The following EPG5 variants were observed in gnomAD, a reference collection of about 807,000 sequenced individuals.
EPG5 encodes ectopic P granules protein 5 homolog.
A neutral mutation model predicts 302.7 loss-of-function variants in EPG5; 159 were observed. The observed-to-expected ratio is 0.53, with a 90% confidence interval of 0.46 to 0.60. EPG5 has a LOEUF of 0.60. Ranked by LOEUF, EPG5 falls within the 20% of genes least tolerant of loss-of-function variation. EPG5 has a pLI of 0.00. For missense variants in EPG5, 2,896 were observed against 3,092.4 expected (o/e 0.94, Z 1.51); for synonymous variants, 1,158 against 1,136.8 (o/e 1.02, Z -0.37).
At position 45,867,150 on chromosome 18, in the gene EPG5, A is replaced by C. The variant is rs1324811309; in HGVS notation, c.6412-143T>G. ...ATGATATCAAGTAAGTATCTACTCG[A>C]GTTAGGAGTACTAGTGAAAGCAATA... is the stretch of plus-strand genomic sequence containing the variant. On this transcript the variant is annotated intron_variant, in intron 37 of 43. Coordinates refer to ENST00000282041, the MANE Select transcript of EPG5 (RefSeq NM_020964.3). 19 of 647,322 alleles carry C rather than the reference A, an allele frequency of 2.9e-5. No homozygotes were observed. The Admixed American group carries it at 5.4e-4, about 18-fold the overall frequency. The allele number at this position is 647,322 out of a possible 1,614,324, so 40.1% of individuals were successfully genotyped here.
At chr18:45,939,258 C>T (rs528372391) in intron 10 of EPG5, among the ~76,000 whole-genome samples, 43 of 152,334 alleles carry the variant, frequency 2.8e-4, no homozygotes, top group African/African-American at 8.7e-4. Context: ...ACACCTACTG[C>T]GTCTCACTGC....
chr18:45,827,858 T>G, the EPG5 span, among the ~76,000 whole-genome samples: 1 of 152,210 alleles, frequency 6.6e-6, no homozygotes, highest in Non-Finnish European at 1.5e-5. Context: ...CACAAAGGAT[T>G]TAGAGGAAGC....
chr18:45,904,954 G>C (rs1182016556), intron 24 of EPG5, among the ~76,000 whole-genome samples: 3 of 152,136 alleles, frequency 2.0e-5, no homozygotes, highest in Non-Finnish European at 4.4e-5. Context: ...GATGAAACTA[G>C]ACACATGGCA....
chr18:45,910,340 T>TG (rs886092954), intron 23 of EPG5, among the ~76,000 whole-genome samples, 181 bp downstream of exon 23: 1 of 152,158 alleles, frequency 6.6e-6, no homozygotes, highest in African/African-American at 2.4e-5. Context: ...GTTGATTCAG[T>TG]TCTCTTGAGG....
intron 1 of EPG5, among the ~76,000 whole-genome samples, chr18:45,965,588 T>C (rs2051230174): frequency 6.6e-6 from 1 of 152,224 alleles, no homozygotes; most frequent in East Asian, 1.9e-4. Flanking sequence ...GATTACAGTA[T>C]CATGCTTAAA....
At chr18:45,940,678 T>A (rs931496696) in intron 9 of EPG5, among the ~76,000 whole-genome samples, 2 of 151,756 alleles carry the variant, frequency 1.3e-5, no homozygotes, top group East Asian at 3.8e-4. Flanking sequence ...TTTGGCAGCA[T>A]TTTCCCTATG....
At chr18:45,875,264 C>A (rs11082492) in intron 35 of EPG5, among the ~76,000 whole-genome samples, 23,352 of 152,074 alleles carry the variant, frequency 0.15, 2,269 homozygotes, top group East Asian at 0.31. Context: ...TAAAAACACA[C>A]AAGGAAACAT....
At chr18:45,843,467 C>T (rs1159944200), downstream of EPG5, 2 of 152,234 alleles carry the variant, frequency 1.3e-5, no homozygotes, top group Non-Finnish European at 2.9e-5. Context: ...GGCTTTTATC[C>T]AAAAGACAGG....
the EPG5 span, among the ~76,000 whole-genome samples, chr18:45,840,537 T>C: frequency 6.6e-5 from 10 of 152,292 alleles, 1 homozygote; most frequent in African/African-American, 7.2e-5. Flanking sequence ...AAAAACCACA[T>C]TGGGGACACT....
rs760003456 is a variant in EPG5 at position 45,876,311 on chromosome 18, T to C, written c.5974A>G (p.Ser1992Gly). 1 of 1,613,988 alleles carries C rather than the reference T, an allele frequency of 6.2e-7. No individual in the cohort carries two copies. Among genetic ancestry groups the C allele is most frequent in the Admixed American group, 1.7e-5 (1 of 60,010 alleles). The change falls in exon 35 of 44, where the codon AGT (serine) becomes GGT (glycine). Residue 1992 changes from serine (S) to glycine (G), a missense_variant. Ser to Gly is a moderately conservative substitution (Grantham distance 56). Transcript: ENST00000282041. The part of the protein sequence containing the change: ...SQQRHYPWLE[S>G]DTVVASSIVQ... ...ATGCTTGAGGCCACCACAGTATCAC[T>C]CTCTAGCCAGGGGTAATGCCGCTGT...
chr18:45,957,871 G>C (rs1250791804), intron 1 of EPG5, among the ~76,000 whole-genome samples: 1 of 152,148 alleles, frequency 6.6e-6, no homozygotes. Flanking sequence ...CTCGAGAGTG[G>C]CTGTCCCCTC....
intron 30 of EPG5, 74 bp from the exon 31 acceptor site, chr18:45,882,561 A>G: frequency 7.7e-7 from 1 of 1,296,898 alleles, no homozygotes; most frequent in East Asian, 2.5e-5. Context: ...AGGTCTGTGT[A>G]AATTTAGTTT....
chr18:45,894,357 G>A (rs2049421781), intron 27 of EPG5, among the ~76,000 whole-genome samples: 1 of 152,094 alleles, frequency 6.6e-6, no homozygotes, highest in African/African-American at 2.4e-5. Context: ...CTACTCAGGA[G>A]GCTGAGGCAG....
chr18:45,868,780 G>A (rs938579441), intron 36 of EPG5, among the ~76,000 whole-genome samples: 20 of 151,932 alleles, frequency 1.3e-4, no homozygotes, highest in African/African-American at 4.8e-4. Flanking sequence ...GAGAGGCCGG[G>A]TGCAGTGGCT....
intron 39 of EPG5, 55 bp downstream of exon 39, chr18:45,865,560 G>C: frequency 6.3e-7 from 1 of 1,581,192 alleles, no homozygotes; most frequent in Admixed American, 1.7e-5. Context: ...AGTGCCTTAC[G>C]CACAGCAGGA....
At position 45,955,140 on chromosome 18, in the gene EPG5, A is replaced by G. The variant is rs748333288; in HGVS notation, c.262T>C (p.Leu88=). 5 of 1,614,088 alleles carry G rather than the reference A, an allele frequency of 3.1e-6. No individual in the cohort carries two copies. The South Asian group carries it at 5.5e-5, about 18-fold the overall frequency. The part of the protein sequence containing the change: ...SEMFDVPLTS[L]TISNEESLTC... The stretch of plus-strand genomic sequence containing the variant: ...AGGGACTCTTCATTGCTTATAGTTA[A>G]GGAGGTGAGTGGTACATCAAACATT... The change falls in exon 2 of 44, where the codon TTA becomes CTA. Residue 88 remains leucine (L), a synonymous_variant. Transcript: ENST00000282041.
chr18:45,916,854 A>T, intron 17 of EPG5: 1 of 223,986 alleles, frequency 4.5e-6, no homozygotes, highest in Non-Finnish European at 8.9e-6. Context: ...CAAAGGCACC[A>T]CTCTCCCCTC....
intron 35 of EPG5, among the ~76,000 whole-genome samples, chr18:45,871,082 T>C (rs1330887138): frequency 6.6e-6 from 1 of 152,200 alleles, no homozygotes; most frequent in East Asian, 1.9e-4. Context: ...TAGTGCTTCA[T>C]TCATTTGGCA....
At chr18:45,846,416 G>A (rs1250882467), downstream of EPG5, among the ~76,000 whole-genome samples, 1 of 151,574 alleles carries the variant, frequency 6.6e-6, no homozygotes, top group African/African-American at 2.4e-5. Flanking sequence ...AGCTACTCGG[G>A]AGGGTGAGGC....
Sources: allele counts gnomAD v4.1 joint callset (sites outside exome capture counted in the v4.1 genomes callset), GRCh38; gene constraint gnomAD v4.1.1; transcripts MANE v1.5; gene names NCBI Gene and HGNC (gene_info 2026-07-23, HGNC 2026-07-21).